MDN1: variants seen among roughly 807,000 people sequenced by gnomAD.
MDN1 encodes midasin.
In MDN1, 266 loss-of-function variants were observed where a neutral mutation model predicts 669.2. The observed-to-expected ratio is 0.40, with a 90% CI of 0.36 to 0.44. The LOEUF (loss-of-function observed/expected upper bound fraction) is 0.44, where lower values mean the gene tolerates loss of function less well. Ranked by LOEUF, MDN1 falls within the 20% of genes least tolerant of loss-of-function variation. MDN1 has a pLI of 1.00. For missense variants in MDN1, 5,940 were observed against 6,754.0 expected, an observed-to-expected ratio of 0.88 and a Z score of 4.22; for synonymous variants, 2,385 against 2,457.1, an observed-to-expected ratio of 0.97 and a Z score of 0.87.
At chr6:89,685,575 C>T (rs988174093) in intron 70 of MDN1, among the ~76,000 whole-genome samples, 1 of 152,180 alleles carries the variant, frequency 6.6e-6, no homozygotes, top group African/African-American at 2.4e-5. Context: ...GCTGCCTCAA[C>T]ATGGTAGGTC....
At chr6:89,715,808 G>T in intron 44 of MDN1, 39 bp from the exon 45 acceptor site, 1 of 1,331,536 alleles carries the variant, frequency 7.5e-7, no homozygotes, top group Non-Finnish European at 1.1e-6. Context: ...AGGCTGACAT[G>T]CTGCATTGAC....
At chr6:89,721,419 G>A (rs190867172) in intron 40 of MDN1, among the ~76,000 whole-genome samples, 2 of 152,308 alleles carry the variant, frequency 1.3e-5, no homozygotes, top group Non-Finnish European at 2.9e-5. Context: ...TTTATCCGTG[G>A]ATGGCTTGCT....
At chr6:89,667,802 T>C (rs907698597) in intron 84 of MDN1, among the ~76,000 whole-genome samples, 1 of 152,170 alleles carries the variant, frequency 6.6e-6, no homozygotes, top group Non-Finnish European at 1.5e-5. Context: ...TCCATAATTA[T>C]AGCCAAAACC....
intron 58 of MDN1, 135 bp from the exon 59 acceptor site, chr6:89,699,170 G>T: frequency 1.4e-6 from 1 of 737,738 alleles, no homozygotes; most frequent in South Asian, 2.1e-5. Context: ...CCGTTTCTCT[G>T]CCACCCCAGT....
chr6:89,810,506 G>A (rs570630037), intron 1 of MDN1, among the ~76,000 whole-genome samples: 17 of 152,228 alleles, frequency 1.1e-4, no homozygotes, highest in African/African-American at 3.9e-4. Flanking sequence ...CTAAAGTTTG[G>A]AAGTCCAAGA....
chr6:89,731,798 G>T (rs868747276), intron 34 of MDN1, among the ~76,000 whole-genome samples: 1 of 120,702 alleles, frequency 8.3e-6, no homozygotes, highest in Non-Finnish European at 1.7e-5. Context: ...TCATAGTACC[G>T]CCCCCCCCCC....
At position 89,745,360 on chromosome 6, in the gene MDN1, A is replaced by G; in HGVS notation, c.4091T>C (p.Val1364Ala). ...STLECNFGHI[V>A]WTEGMRRLAM... ...GAGTCTCCGCATGCCCTCAGTCCAC[A>G]CGATATGGCCAAAGTTACACTCCAA... Residue 1364 changes from valine (V) to alanine (A), a missense_variant, in exon 29 of 102, where the codon GTG becomes GCG. By Grantham distance (64) the Val-to-Ala change is moderately conservative (BLOSUM62 0). Transcript: ENST00000369393. 6.2e-7 allele frequency: 1 copy of G among 1,614,072 alleles called. No homozygotes were observed. The highest frequency in any genetic ancestry group is 8.5e-7 in the Non-Finnish European group (1 of 1,179,992).
intron 1 of MDN1, among the ~76,000 whole-genome samples, chr6:89,818,453 G>T (rs1435878241): frequency 6.6e-6 from 1 of 151,762 alleles, no homozygotes; most frequent in Non-Finnish European, 1.5e-5. Flanking sequence ...GGGCAACAAA[G>T]GGGGACCTTA....
Position 89,819,744 on chromosome 6 carries a change from A to G in MDN1, c.-137T>C, listed in dbSNP as rs1264703601. On this transcript the variant is annotated 5_prime_UTR_variant, in exon 1 of 102. Coordinates refer to ENST00000369393, the MANE Select transcript of MDN1 (RefSeq NM_014611.3). ...AGGCGTCCTCAGCTCCAGCGCCTAC[A>G]CCGGGAGAGGGGCACCACACGTGGG... is the stretch of plus-strand genomic sequence containing the variant. 1 of 674,792 alleles carries G rather than the reference A, an allele frequency of 1.5e-6. No homozygotes were observed. The highest frequency in any genetic ancestry group is 2.6e-6 in the Non-Finnish European group (1 of 385,408). The allele number at this position is 674,792 out of a possible 1,614,324, so 41.8% of individuals were successfully genotyped here. A position where few individuals can be genotyped will look rare whatever the true frequency, so the allele number is the denominator to read the frequency against.
chr6:89,696,475 T>C lies in MDN1; in HGVS notation c.9268A>G (p.Ile3090Val), dbSNP rs143395475. Reference sequence around the variant, plus strand: ...AGGGTCACGTGAGAGGAGGAAAGAATGGGGAGGCCACTCACATCCCAGGGA... The same window carrying C: ...AGGGTCACGTGAGAGGAGGAAAGAACGGGGAGGCCACTCACATCCCAGGGA... ...ASPWDVSGLP[I>V]LSSSHVTLGE... Residue 3090 changes from isoleucine (I) to valine (V), a missense_variant, in exon 60 of 102, where the codon ATT becomes GTT. Transcript: ENST00000369393. 2,332 of 1,614,086 alleles carry C rather than the reference T, an allele frequency of 1.4e-3. 11 individuals carry two copies. The highest frequency in any genetic ancestry group is 9.4e-4 in the Non-Finnish European group (1,105 of 1,180,008).
At chr6:89,740,036 A>G (rs888308534) in intron 32 of MDN1, among the ~76,000 whole-genome samples, 198 bp downstream of exon 32, 5 of 152,250 alleles carry the variant, frequency 3.3e-5, no homozygotes, top group African/African-American at 7.2e-5. Flanking sequence ...ACAAAGTGAG[A>G]TATCAAATAA....
intron 15 of MDN1, among the ~76,000 whole-genome samples, chr6:89,763,087 A>G (rs1359491261): frequency 5.3e-5 from 8 of 152,090 alleles, no homozygotes; most frequent in Admixed American, 2.6e-4. Context: ...TGAAAGTCCT[A>G]CTTGAATAGT....
At chr6:89,755,619 A>G (rs529805131) in intron 20 of MDN1, among the ~76,000 whole-genome samples, 4 of 152,318 alleles carry the variant, frequency 2.6e-5, no homozygotes, top group East Asian at 1.9e-4. Flanking sequence ...ACAGTAAAAC[A>G]TTAATATCAC....
rs780417373 is a variant in MDN1, at chr6:89,754,183, C to A, written c.2864G>T (p.Gly955Val). 4.3e-6 allele frequency: 7 copies of A among 1,614,052 alleles called. No individual in the cohort carries two copies. Among genetic ancestry groups the A allele is most frequent in the Non-Finnish European group, 2.5e-6 (3 of 1,179,968 alleles). ...RKESGTKLVD[G>V]TGHRPHYSLR... is the part of the protein sequence containing the mutation. ...GCTGTAGTGAGGTCTATGGCCAGTG[C>A]CATCCACCAGTTTGGTCCCAGACTC... Residue 955 changes from glycine to valine, a missense_variant, in exon 21 of 102, where the codon GGC becomes GTC. Transcript: ENST00000369393.
intron 87 of MDN1, 99 bp downstream of exon 87, chr6:89,661,988 G>T (rs536036021): frequency 1.4e-6 from 2 of 1,409,494 alleles, no homozygotes; most frequent in South Asian, 1.4e-5. Context: ...AGCAGTCGAC[G>T]AACAGGGGAA....
intron 53 of MDN1, among the ~76,000 whole-genome samples, chr6:89,703,378 G>T (rs192049716): frequency 2.8e-5 from 4 of 143,472 alleles, no homozygotes; most frequent in Non-Finnish European, 4.6e-5. Context: ...AAGGGGGGGG[G>T]GTCTATCTGT....
intron 30 of MDN1, 36 bp from the exon 31 acceptor site, chr6:89,743,316 G>C: frequency 6.2e-7 from 1 of 1,613,036 alleles, no homozygotes; most frequent in Non-Finnish European, 8.5e-7. Flanking sequence ...TTAAAGGGCA[G>C]GTGGCTCCAC....
rs533402801 is a variant in MDN1, at chr6:89,766,156, G to A, written c.2145-3626C>T. 7.2e-5 allele frequency among the ~76,000 whole-genome samples: 11 copies of A among 152,076 alleles called. No individual in the cohort carries two copies. In the East Asian group the frequency reaches 1.2e-3, roughly 16 times the overall value. ...TCTACTAAAAATATAAAAATTAGCC[G>A]GGCCTGGTGGCGGGCCCCTGTAATC... On this transcript the variant is annotated intron_variant, in intron 15 of 101. Transcript: ENST00000369393.
chr6:89,694,371 C>T (rs943528669), intron 61 of MDN1, among the ~76,000 whole-genome samples, 188 bp from the exon 62 acceptor site: 1 of 152,208 alleles, frequency 6.6e-6, no homozygotes, highest in South Asian at 2.1e-4. Flanking sequence ...AAGAAACGAT[C>T]TTATTTACAC....
Sources: gnomAD v4.1 joint callset for allele counts (sites outside exome capture counted in the v4.1 genomes callset) on GRCh38, gnomAD v4.1.1 for gene constraint, MANE v1.5 for transcripts, NCBI Gene and HGNC (gene_info 2026-07-23, HGNC 2026-07-21) for gene names.